DYTN: variants seen among roughly 807,000 people sequenced by gnomAD.
DYTN encodes the protein dystrotelin.
DYTN carries 75 observed loss-of-function variants against 69.6 expected under a neutral mutation model. The ratio of observed to expected loss-of-function variants is 1.08; its 90% CI spans 0.89 to 1.31. The LOEUF is 1.31. Ranked by LOEUF, DYTN falls within the 50% of genes most tolerant of loss-of-function variation. The pLI is 0.00. For missense variants in DYTN, 726 were observed against 688.4 expected (o/e 1.05, Z -0.61); for synonymous variants, 252 against 249.1 (o/e 1.01, Z -0.11).
At position 206,662,942 on chromosome 2, in the gene DYTN, A is replaced by G. The variant is rs1699528968; in HGVS notation, c.1594T>C (p.Ser532Pro). The part of the protein sequence containing the change: ...LEEEELQELL[S>P]KLMDAFNLET... ...AGATTGAAGGCATCCATAAGTTTTG[A>G]CAATAGTTCTTGCAGTTCCTCTTCC... The change falls in exon 11 of 12, where the codon TCA (serine) becomes CCA (proline). Residue 532 changes from serine to proline, a missense_variant. Physicochemically the swap from Ser to Pro is moderately conservative, Grantham distance 74. Coordinates refer to ENST00000452335, the MANE Select transcript of DYTN (RefSeq NM_001093730.1). 1.2e-6 allele frequency: 2 copies of G among 1,613,522 alleles called. No homozygotes were observed. The highest frequency in any genetic ancestry group is 1.7e-6 in the Non-Finnish European group (2 of 1,179,846).
rs552064303 is a variant in DYTN, at chr2:206,694,628, G to A, written c.831+138C>T. ...TTGGGAGATATTCAAGGTGGAGTTT[G>A]CCACTTGCTTAGTCTTAAATATTGC... On this transcript the variant is annotated intron_variant, in intron 8 of 11. Transcript: ENST00000452335. 2.9e-5 allele frequency: 16 copies of A among 545,276 alleles called. No homozygotes were observed. The East Asian group carries it at 5.0e-4, about 17-fold the overall frequency. The allele number at this position is 545,276 out of a possible 1,614,324, so 33.8% of individuals were successfully genotyped here.
At chr2:206,710,715 T>G (rs1423107320) in intron 1 of DYTN, 117 bp from the exon 2 acceptor site, 1 of 783,202 alleles carries the variant, frequency 1.3e-6, no homozygotes, top group African/African-American at 1.8e-5. Context: ...GTGAGGAAAT[T>G]AAGGTTTAGA....
At chr2:206,695,039 C>T (rs1699906527) in intron 7 of DYTN, among the ~76,000 whole-genome samples, 162 bp from the exon 8 acceptor site, 2 of 152,046 alleles carry the variant, frequency 1.3e-5, no homozygotes, top group African/African-American at 4.8e-5. Context: ...TATTAAATGA[C>T]TCTAATGCGT....
chr2:206,699,168 C>T (rs1371443015), intron 7 of DYTN, among the ~76,000 whole-genome samples: 2 of 152,188 alleles, frequency 1.3e-5, no homozygotes, highest in African/African-American at 4.8e-5. Flanking sequence ...AATGCAGTGG[C>T]TCACACATGT....
chr2:206,711,181 G>A (rs1384504627), intron 1 of DYTN, among the ~76,000 whole-genome samples: 2 of 152,034 alleles, frequency 1.3e-5, no homozygotes, highest in South Asian at 2.1e-4. Flanking sequence ...TAGTGTTCGC[G>A]GTTATTTTCT....
Position 206,694,819 on chromosome 2 carries a change from G to A in DYTN, c.778C>T (p.Leu260Phe). 3.7e-6 allele frequency: 6 copies of A among 1,610,618 alleles called. No individual in the cohort carries two copies. The highest frequency in any genetic ancestry group is 5.1e-6 in the Non-Finnish European group (6 of 1,178,990). The change falls in exon 8 of 12, where the codon CTT becomes TTT. Residue 260 changes from leucine (L) to phenylalanine (F), a missense_variant. Leu to Phe is a conservative substitution (Grantham distance 22). Coordinates refer to ENST00000452335, the MANE Select transcript of DYTN (RefSeq NM_001093730.1). ...DICQMCFLSG[L>F]HSKSHQKSHP... ...GACTTCTGATGGGACTTGCTGTGAA[G>A]ACCAGATAAGAAACACATCTGGCAG...
At chr2:206,715,954 G>T (rs962524420) in intron 1 of DYTN, among the ~76,000 whole-genome samples, 1 of 152,256 alleles carries the variant, frequency 6.6e-6, no homozygotes, top group African/African-American at 2.4e-5. Flanking sequence ...TGGGTGTGGT[G>T]GTGCGTGCCT....
At chr2:206,704,755 C>A in intron 5 of DYTN, 88 bp downstream of exon 5, 5 of 1,143,922 alleles carry the variant, frequency 4.4e-6, no homozygotes, top group Non-Finnish European at 6.4e-6. Context: ...TAAAGATAGA[C>A]TTGACACTGG....
chr2:206,664,081 A>G (rs1334634220), intron 10 of DYTN, among the ~76,000 whole-genome samples: 1 of 152,194 alleles, frequency 6.6e-6, no homozygotes, highest in African/African-American at 2.4e-5. Context: ...TGGAAAAAAA[A>G]AAAAGCCAGT....
chr2:206,665,748 C>T (rs575939362), intron 10 of DYTN, 122 bp downstream of exon 10: 49 of 1,192,492 alleles, frequency 4.1e-5, no homozygotes, highest in Admixed American at 3.3e-4. Context: ...GGTCAGGGTA[C>T]GGGGAGAAGA....
In DYTN at chr2:206,707,381, C is replaced by A; in HGVS notation, c.217G>T (p.Ala73Ser). 6.2e-7 allele frequency: 1 copy of A among 1,613,072 alleles called. No individual in the cohort carries two copies. The change falls in exon 3 of 12, where the codon GCC (alanine) becomes TCC (serine). Residue 73 changes from alanine (A) to serine (S), a missense_variant. Ala to Ser is a moderately conservative substitution (Grantham distance 99). Transcript: ENST00000452335. The part of the protein sequence containing the change: ...SQALQELFQK[A>S]REENPGQVHP... ...ACTTGTCCTGGGTTTTCCTCCCTGGCCTTCTGAAACAGCTCTTGGAGTGCC... is the reference window on the plus strand; with the variant it reads ...ACTTGTCCTGGGTTTTCCTCCCTGGACTTCTGAAACAGCTCTTGGAGTGCC...
chr2:206,682,666 T>A (rs1312202800), intron 9 of DYTN, among the ~76,000 whole-genome samples: 1 of 152,116 alleles, frequency 6.6e-6, no homozygotes, highest in Non-Finnish European at 1.5e-5. Context: ...CAAATTTGTA[T>A]CTCCAGTACA....
At chr2:206,656,967 G>A (rs370768152) in intron 11 of DYTN, among the ~76,000 whole-genome samples, 1 of 152,020 alleles carries the variant, frequency 6.6e-6, no homozygotes, top group Non-Finnish European at 1.5e-5. Context: ...TCTACATGTT[G>A]GTCAGGCTGG....
intron 11 of DYTN, among the ~76,000 whole-genome samples, chr2:206,653,719 AG>A (rs1699414663): frequency 6.6e-6 from 1 of 152,200 alleles, no homozygotes; most frequent in African/African-American, 2.4e-5. Flanking sequence ...CTTTCCCTTG[AG>A]CTCCAGATTG....
rs1415225495 is a variant in DYTN, at chr2:206,675,145, G to GTGTGTATA, written c.981-9117_981-9116insTATACACA. Among the ~76,000 whole-genome samples the GTGTGTATA allele has an allele frequency of 1.8e-4, 22 of 120,446 alleles. No individual in the cohort carries two copies. The South Asian group carries it at 2.1e-3, about 11-fold the overall frequency. The allele number at this position is 120,446 out of a possible 152,430, so 79.0% of individuals were successfully genotyped here. A position where few individuals can be genotyped will look rare whatever the true frequency, so the allele number is the denominator to read the frequency against. On this transcript the variant is annotated intron_variant, in intron 9 of 11. Transcript: ENST00000452335. The stretch of plus-strand genomic sequence containing the variant: ...TGTGTGTGTGTGTGTGTGTGTGTGT[G>GTGTGTATA]TATATATGTGTATATATATTTAAAT...
At chr2:206,701,742 T>G (rs1256778803) in intron 5 of DYTN, among the ~76,000 whole-genome samples, 3 of 152,138 alleles carry the variant, frequency 2.0e-5, no homozygotes, top group Non-Finnish European at 4.4e-5. Context: ...TACTGTATTG[T>G]TTACTTGAGA....
intron 9 of DYTN, among the ~76,000 whole-genome samples, chr2:206,680,363 G>C (rs1292513569): frequency 6.6e-6 from 1 of 152,092 alleles, no homozygotes; most frequent in Admixed American, 6.6e-5. Flanking sequence ...GGGATTATGG[G>C]AGCTACAATT....
At position 206,694,747 on chromosome 2, in the gene DYTN, A is replaced by G. The variant is rs746256748; in HGVS notation, c.831+19T>C. 39 of 1,574,122 alleles carry G rather than the reference A, an allele frequency of 2.5e-5. No homozygotes were observed. The highest frequency in any genetic ancestry group is 1.6e-4 in the African/African-American group (12 of 73,046). On this transcript the variant is annotated intron_variant, in intron 8 of 11. Transcript: ENST00000452335. ...TGAATTGATTAATGAATAGTTTGGT[A>G]TGTGACATTAAATGTTACCTGAATG...
chr2:206,655,949 G>T (rs1574584315), intron 11 of DYTN, among the ~76,000 whole-genome samples: 1 of 152,254 alleles, frequency 6.6e-6, no homozygotes, highest in South Asian at 2.1e-4. Context: ...GGAGAAGAAT[G>T]TATATTCTGC....
Sources: gnomAD v4.1 joint callset for allele counts (sites outside exome capture counted in the v4.1 genomes callset) on GRCh38, gnomAD v4.1.1 for gene constraint, MANE v1.5 for transcripts, NCBI Gene and HGNC (gene_info 2026-07-23, HGNC 2026-07-21) for gene names.